The following RPTOR variants were observed in gnomAD, a reference collection of about 807,000 sequenced individuals.
RPTOR encodes regulatory-associated protein of mTOR.
In RPTOR, 21 loss-of-function variants were observed where a neutral mutation model predicts 169.9. The observed-to-expected ratio is 0.12, with a 90% CI of 0.09 to 0.18. RPTOR has a LOEUF of 0.18. Ranked by LOEUF, RPTOR falls within the 10% of genes least tolerant of loss-of-function variation. RPTOR has a pLI of 1.00. For synonymous variants in RPTOR, 732 were observed against 753.2 expected (o/e 0.97, Z 0.46); for missense variants, 1,133 against 1,855.9 (o/e 0.61, Z 7.16).
intron 24 of RPTOR, among the ~76,000 whole-genome samples, chr17:80,939,558 G>C (rs767274408): frequency 1.3e-5 from 2 of 152,194 alleles, no homozygotes; most frequent in African/African-American, 2.4e-5. Flanking sequence ...ACCCCAGCCA[G>C]GCTTGCAGCT....
intron 24 of RPTOR, among the ~76,000 whole-genome samples, chr17:80,938,178 C>T (rs1477491772): frequency 6.6e-6 from 1 of 152,250 alleles, no homozygotes; most frequent in Non-Finnish European, 1.5e-5. Flanking sequence ...GCGTCCTGTG[C>T]CCCTCCCTGT....
At chr17:80,657,545 A>G (rs2065689499) in intron 3 of RPTOR, among the ~76,000 whole-genome samples, 1 of 152,110 alleles carries the variant, frequency 6.6e-6, no homozygotes, top group Non-Finnish European at 1.5e-5. Context: ...TCATATTCCC[A>G]GAGCACTCAC....
intron 1 of RPTOR, among the ~76,000 whole-genome samples, chr17:80,616,343 C>T (rs2065310193): frequency 7.4e-6 from 1 of 134,710 alleles, no homozygotes; most frequent in Non-Finnish European, 1.5e-5. Flanking sequence ...ACTCTGTTGC[C>T]CAGGCTGGAG....
rs1053018682 is a variant in RPTOR at position 80,959,498 on chromosome 17, G to A, written c.3478-580G>A. Among the ~76,000 whole-genome samples the A allele has an allele frequency of 1.3e-5, 2 of 152,162 alleles. No homozygotes were observed. The highest frequency in any genetic ancestry group is 2.9e-5 in the Non-Finnish European group (2 of 68,014). ...TGCACAACCCAGCACCGCCCATCGT[G>A]CGTGGAAAGCGCTCTCCCTCTCGTG... On this transcript the variant is annotated intron_variant, in intron 29 of 33. Coordinates refer to ENST00000306801, the MANE Select transcript of RPTOR (RefSeq NM_020761.3). The surrounding 1 kb of genome is among the most constrained non-coding windows in gnomAD (Gnocchi z 6.7).
At chr17:80,765,442 C>T (rs2066776722) in intron 6 of RPTOR, among the ~76,000 whole-genome samples, 1 of 152,184 alleles carries the variant, frequency 6.6e-6, no homozygotes, top group Non-Finnish European at 1.5e-5. Flanking sequence ...GTTTGGTTGA[C>T]ATTTTACAGT....
chr17:80,890,573 T>C (rs1427833132), intron 17 of RPTOR, among the ~76,000 whole-genome samples: 1 of 151,240 alleles, frequency 6.6e-6, no homozygotes, highest in African/African-American at 2.4e-5. Flanking sequence ...CAGGGCTCCA[T>C]TCTGAGCAGT....
intron 10 of RPTOR, among the ~76,000 whole-genome samples, chr17:80,841,392 TCACACC>T (rs2067653476): frequency 7.7e-6 from 1 of 130,064 alleles, no homozygotes; most frequent in Non-Finnish European, 1.6e-5. Context: ...GCACGGCAGC[TCACACC>T]GCACGGCAGC....
intron 2 of RPTOR, among the ~76,000 whole-genome samples, chr17:80,626,981 G>A (rs1038357328): frequency 1.3e-5 from 2 of 151,792 alleles, no homozygotes; most frequent in African/African-American, 2.4e-5. Context: ...CCTAGTAACC[G>A]CCATTCCACC....
intron 16 of RPTOR, 82 bp downstream of exon 16, chr17:80,884,054 G>A (rs1370534427): frequency 2.8e-5 from 40 of 1,425,476 alleles, no homozygotes; most frequent in Non-Finnish European, 3.5e-5. Context: ...GCGTGCGGGT[G>A]TGGCCGGCCA....
chr17:80,587,618 G>T (rs565327358), intron 1 of RPTOR, among the ~76,000 whole-genome samples: 2 of 151,970 alleles, frequency 1.3e-5, no homozygotes, highest in African/African-American at 4.8e-5. Context: ...CATTCCTGTG[G>T]GTATGTATTA....
chr17:80,840,731 C>T (rs1248592495), intron 10 of RPTOR, among the ~76,000 whole-genome samples: 33 of 134,716 alleles, frequency 2.4e-4, no homozygotes, highest in Non-Finnish European at 3.0e-4. Flanking sequence ...GCAGCTCACT[C>T]TCACCGCACG....
chr17:80,799,940 G>A (rs1444398381), intron 7 of RPTOR, among the ~76,000 whole-genome samples: 1 of 152,198 alleles, frequency 6.6e-6, no homozygotes, highest in Non-Finnish European at 1.5e-5. Flanking sequence ...GTCCTTGCCC[G>A]CTGCCATCTG....
intron 3 of RPTOR, among the ~76,000 whole-genome samples, chr17:80,685,792 T>C (rs966588852): frequency 7.9e-5 from 12 of 151,440 alleles, no homozygotes; most frequent in Admixed American, 7.9e-4. Context: ...CCCAGCTGCC[T>C]CTGGCTGTTG....
chr17:80,953,455 A>G (rs1286766523), intron 28 of RPTOR, among the ~76,000 whole-genome samples: 1 of 152,218 alleles, frequency 6.6e-6, no homozygotes, highest in Admixed American at 6.5e-5. Flanking sequence ...CCTCACTTAA[A>G]CAGAGAGAAA....
chr17:80,887,125 C>T (rs958017215), intron 17 of RPTOR, among the ~76,000 whole-genome samples: 10 of 151,908 alleles, frequency 6.6e-5, no homozygotes, highest in African/African-American at 2.2e-4. Flanking sequence ...GGAAGGCTAG[C>T]GAGGAGTCAG....
chr17:80,964,962 T>TG lies in RPTOR; in HGVS notation c.*634dup, dbSNP rs2069406868. The TG allele has an allele frequency of 4.3e-6, 1 of 233,386 alleles. No individual in the cohort carries two copies. The highest frequency in any genetic ancestry group is 8.5e-6 in the Non-Finnish European group (1 of 118,236). 14.5% of individuals were successfully genotyped at this position (233,386 alleles called of 1,614,324 possible). A position where few individuals can be genotyped will look rare whatever the true frequency, so the allele number is the denominator to read the frequency against. On this transcript the variant is annotated 3_prime_UTR_variant, in exon 34 of 34. Transcript: ENST00000306801. ...AGGGGTCCGGGCTGTCCTTGGCCGC[T>TG]GGCAGCATCACTGAGCAGGAAGCGC... is the stretch of plus-strand genomic sequence containing the variant.
rs2144110659 is a variant in RPTOR, at chr17:80,964,397, G to A, written c.*67G>A. On this transcript the variant is annotated 3_prime_UTR_variant, in exon 34 of 34. Transcript: ENST00000306801. Reference sequence around the variant, plus strand: ...CATAGTGAAGCTGTCACTCGCCGGGGCACGGGGCGTCGGCTGCTGCGGCCC... The same window carrying A: ...CATAGTGAAGCTGTCACTCGCCGGGACACGGGGCGTCGGCTGCTGCGGCCC... 1.3e-6 allele frequency: 2 copies of A among 1,530,228 alleles called. No individual in the cohort carries two copies. The highest frequency in any genetic ancestry group is 1.8e-6 in the Non-Finnish European group (2 of 1,118,174). The allele number at this position is 1,530,228 out of a possible 1,614,324, so 94.8% of individuals were successfully genotyped here. A position where few individuals can be genotyped will look rare whatever the true frequency, so the allele number is the denominator to read the frequency against.
chr17:80,876,063 G>T (rs1326075077), intron 13 of RPTOR, among the ~76,000 whole-genome samples: 1 of 104,128 alleles, frequency 9.6e-6, no homozygotes, highest in Non-Finnish European at 1.9e-5. Context: ...TCTTCACACC[G>T]AGCCCGTGCC....
chr17:80,869,223 G>A (rs1430349570), intron 13 of RPTOR, among the ~76,000 whole-genome samples: 2 of 152,086 alleles, frequency 1.3e-5, no homozygotes, highest in South Asian at 4.1e-4. Flanking sequence ...GCAGTGGGGC[G>A]ATCTTGGTTC....
Sources: gnomAD v4.1 joint callset for allele counts (sites outside exome capture counted in the v4.1 genomes callset) on GRCh38, gnomAD v4.1.1 for gene constraint, Gnocchi (gnomAD v3.1) non-coding constraint, MANE v1.5 for transcripts, NCBI Gene and HGNC (gene_info 2026-07-23, HGNC 2026-07-21) for gene names.